Variants in CALCOCO2 observed in about 807,000 individuals in gnomAD.
CALCOCO2 encodes the protein calcium binding and coiled-coil domain 2.
Under a neutral mutation model 62.5 loss-of-function variants are expected in CALCOCO2, and 42 were observed. The ratio of observed to expected loss-of-function variants is 0.67; its 90% CI spans 0.53 to 0.87. The LOEUF is 0.87. CALCOCO2 is among the 40% of genes least tolerant of loss of function. The probability of loss-of-function intolerance (pLI) is 0.00; values close to 1 mark genes in which losing one functional copy is unlikely to be tolerated. For synonymous variants in CALCOCO2, 167 were observed against 173.0 expected (o/e 0.97, Z 0.27); for missense variants, 456 against 515.0 (o/e 0.89, Z 1.11).
rs759040135 is a variant in CALCOCO2 at position 48,862,303 on chromosome 17, C to T, written c.1172C>T (p.Pro391Leu). The change falls in exon 12 of 13, where the codon CCG (proline) becomes CTG (leucine). Residue 391 changes from proline to leucine, a missense_variant and splice_region_variant. Coordinates refer to ENST00000258947, the MANE Select transcript of CALCOCO2 (RefSeq NM_005831.5). ...ATCCAAGAAAGTTCTTCCCCCAGCC[C>T]GGTAAGTATTTGATTCATGAGAATA... ...SGIQESSSPS[P>L]LSIKKCPICK... 1.0e-5 allele frequency: 16 copies of T among 1,584,746 alleles called. No individual in the cohort carries two copies. The highest frequency in any genetic ancestry group is 6.7e-5 in the East Asian group (3 of 44,792).
chr17:48,837,578 G>A (rs1225667723), intron 1 of CALCOCO2, among the ~76,000 whole-genome samples: 2 of 152,044 alleles, frequency 1.3e-5, no homozygotes, highest in Non-Finnish European at 2.9e-5. Flanking sequence ...CCCCAGAGGC[G>A]GAGGTTGCAG....
chr17:48,842,899 AAATTAAATGCTTTTTAC>A (rs139767784), intron 2 of CALCOCO2, among the ~76,000 whole-genome samples: 1,843 of 152,250 alleles, frequency 0.012, 39 homozygotes, highest in African/African-American at 0.041. Context: ...TCAGCCTCCC[AAATTAAATGCTTTTTAC>A]ATGATCCTAT....
intron 7 of CALCOCO2, 99 bp from the exon 8 acceptor site, chr17:48,852,407 A>G: frequency 4.7e-6 from 5 of 1,056,344 alleles, no homozygotes; most frequent in Non-Finnish European, 7.0e-6. Context: ...GGGAGTTGCT[A>G]GGGAAACACA....
intron 2 of CALCOCO2, among the ~76,000 whole-genome samples, chr17:48,843,396 C>G (rs748762237): frequency 6.6e-6 from 1 of 152,196 alleles, no homozygotes; most frequent in Non-Finnish European, 1.5e-5. Context: ...TGGTTTGACA[C>G]CTCAGTATGT....
At position 48,862,847 on chromosome 17, in the gene CALCOCO2, A is replaced by G. The variant is rs1300601138; in HGVS notation, c.1183A>G (p.Lys395Glu). Residue 395 changes from lysine (K) to glutamate (E), a missense_variant, in exon 13 of 13, where the codon AAG becomes GAG. This residue lies in a region of CALCOCO2 where 172 missense variants were observed against 210.3 expected (regional missense o/e 0.82). Transcript: ENST00000258947. Reference protein sequence around the residue: ...ESSSPSPLSIKKCPICKADDI... With the variant: ...ESSSPSPLSIEKCPICKADDI... ...TTGCTCTTCCTCCCAGCTCTCCATC[A>G]AGAAATGCCCTATCTGCAAAGCAGA... 3.1e-6 allele frequency: 5 copies of G among 1,614,066 alleles called. No homozygotes were observed. In the East Asian group the frequency reaches 1.1e-4, roughly 36 times the overall value.
chr17:48,833,462 A>G (rs534848754), intron 1 of CALCOCO2, among the ~76,000 whole-genome samples: 1 of 151,200 alleles, frequency 6.6e-6, no homozygotes, highest in South Asian at 2.1e-4. Flanking sequence ...CAGGAGAATC[A>G]CTTGAACCCA....
chr17:48,857,981 AT>A (rs1318899108), intron 10 of CALCOCO2, among the ~76,000 whole-genome samples: 1 of 19,164 alleles, frequency 5.2e-5, no homozygotes, highest in South Asian at 3.8e-3. Context: ...CATCAATAGA[AT>A]AGAATAGAAT....
chr17:48,847,916 A>G lies in CALCOCO2; in HGVS notation c.181-148A>G. The G allele has an allele frequency of 5.3e-6, 3 of 571,300 alleles. No homozygotes were observed. The South Asian group carries it at 6.4e-5, about 12-fold the overall frequency. The allele number at this position is 571,300 out of a possible 1,614,324, so 35.4% of individuals were successfully genotyped here. On this transcript the variant is annotated intron_variant, in intron 2 of 12. Coordinates refer to ENST00000258947, the MANE Select transcript of CALCOCO2 (RefSeq NM_005831.5). ...GCAATCCACCCACCTTGGCCTCCCA[A>G]AGTGCTAGGATTACAGGCATGAGCC... is the stretch of plus-strand genomic sequence containing the variant.
intron 2 of CALCOCO2, 159 bp from the exon 3 acceptor site, chr17:48,847,905 T>C: frequency 1.8e-6 from 1 of 557,806 alleles, no homozygotes; most frequent in Non-Finnish European, 3.2e-6. Flanking sequence ...TCCACCCACC[T>C]TGGCCTCCCA....
chr17:48,862,797 A>G, intron 12 of CALCOCO2, 41 bp from the exon 13 acceptor site: 1 of 1,574,916 alleles, frequency 6.3e-7, no homozygotes, highest in Middle Eastern at 1.7e-4. Flanking sequence ...TGTGCCACAT[A>G]TAGCTTACAT....
intron 10 of CALCOCO2, 123 bp from the exon 11 acceptor site, chr17:48,860,191 A>G (rs1567760608): frequency 1.5e-6 from 1 of 676,226 alleles, no homozygotes; most frequent in South Asian, 2.0e-5. Context: ...ATTATCAATT[A>G]TTGAGTTTCT....
intron 1 of CALCOCO2, among the ~76,000 whole-genome samples, chr17:48,836,997 G>T (rs2039902525): frequency 6.6e-6 from 1 of 152,134 alleles, no homozygotes; most frequent in Non-Finnish European, 1.5e-5. Context: ...CTGACCTCAG[G>T]TGATCTGCCT....
At chr17:48,861,637 ATG>A (rs2040327255) in intron 11 of CALCOCO2, among the ~76,000 whole-genome samples, 1 of 90,168 alleles carries the variant, frequency 1.1e-5, no homozygotes, top group African/African-American at 4.3e-5. Context: ...ATATATATAT[ATG>A]TATATATATA....
intron 2 of CALCOCO2, among the ~76,000 whole-genome samples, chr17:48,846,958 C>T (rs1489485743): frequency 1.3e-5 from 2 of 151,984 alleles, no homozygotes; most frequent in African/African-American, 4.8e-5. Flanking sequence ...AATCTTTTAC[C>T]CCCTTCACAT....
At chr17:48,844,943 C>G (rs2040025968) in intron 2 of CALCOCO2, among the ~76,000 whole-genome samples, 1 of 152,158 alleles carries the variant, frequency 6.6e-6, no homozygotes, top group Non-Finnish European at 1.5e-5. Flanking sequence ...CAAGACCAGC[C>G]TGGCGAACAT....
intron 2 of CALCOCO2, among the ~76,000 whole-genome samples, chr17:48,843,750 A>T (rs932184101): frequency 3.3e-5 from 5 of 152,256 alleles, no homozygotes; most frequent in Non-Finnish European, 5.9e-5. Context: ...CAAAGCGTAT[A>T]GGTCACATTG....
intron 1 of CALCOCO2, among the ~76,000 whole-genome samples, chr17:48,837,366 C>T (rs536187196): frequency 6.6e-6 from 1 of 152,100 alleles, no homozygotes; most frequent in African/African-American, 2.4e-5. Context: ...TCTTTTGAGC[C>T]GGGCATGGTG....
rs189500022 is a variant in CALCOCO2 at position 48,864,482 on chromosome 17, C to T, written c.*1477C>T. The T allele has an allele frequency of 3.8e-4, 58 of 154,056 alleles. 3 individuals are homozygous for T. Among genetic ancestry groups the T allele is most frequent in the African/African-American group, 1.4e-3 (58 of 41,602 alleles). 9.5% of individuals were successfully genotyped at this position (154,056 alleles called of 1,614,324 possible). ...CTCTATCCAAATTTGCCTAATTGAA[C>T]TATAAGAAAGTAATAATTCCATTTT... On this transcript the variant is annotated 3_prime_UTR_variant, in exon 13 of 13. Coordinates refer to ENST00000258947, the MANE Select transcript of CALCOCO2 (RefSeq NM_005831.5).
intron 5 of CALCOCO2, among the ~76,000 whole-genome samples, chr17:48,850,482 A>ATG (rs2040113480): frequency 1.3e-5 from 2 of 151,942 alleles, no homozygotes; most frequent in Admixed American, 1.3e-4. Context: ...CAAAAAATAT[A>ATG]TATATATGCA....
Sources: allele counts gnomAD v4.1 joint callset (sites outside exome capture counted in the v4.1 genomes callset), GRCh38; gene constraint gnomAD v4.1.1; regional missense constraint gnomAD v4.1.1; transcripts MANE v1.5; gene names NCBI Gene and HGNC (gene_info 2026-07-23, HGNC 2026-07-21).